The following HDLBP variants were observed in gnomAD, a reference collection of about 807,000 sequenced individuals.
HDLBP encodes vigilin.
A neutral mutation model predicts 137.3 loss-of-function variants in HDLBP; 30 were observed. That is an observed-to-expected ratio of 0.22 (90% CI 0.16 to 0.30). The LOEUF (loss-of-function observed/expected upper bound fraction) is 0.30, where lower values mean the gene tolerates loss of function less well. Among genes scored for constraint, HDLBP ranks in the 10% least tolerant of loss-of-function variants. The probability of loss-of-function intolerance (pLI) is 1.00; values close to 1 mark genes in which losing one functional copy is unlikely to be tolerated. For missense variants in HDLBP, 1,119 were observed against 1,667.3 expected (o/e 0.67, Z 5.73); for synonymous variants, 606 against 596.0 (o/e 1.02, Z -0.24).
chr2:241,236,538 A>C, intron 21 of HDLBP, 77 bp downstream of exon 21: 2 of 1,486,874 alleles, frequency 1.3e-6, no homozygotes, highest in South Asian at 1.2e-5. Context: ...CGTCCATCCC[A>C]TCCAGGCCAC....
chr2:241,232,307 ACT>A (rs1310435244), intron 24 of HDLBP, among the ~76,000 whole-genome samples: 2 of 147,182 alleles, frequency 1.4e-5, no homozygotes, highest in Admixed American at 6.8e-5. Context: ...ACAGAGTCTC[ACT>A]CTGTCGCCCA....
At chr2:241,273,093 CAG>C in intron 1 of HDLBP, 9 of 985,556 alleles carry the variant, frequency 9.1e-6, no homozygotes, top group Non-Finnish European at 1.1e-5. Context: ...AACCGAAGAC[CAG>C]AAAGGGAGCA....
chr2:241,230,414 C>A lies in HDLBP; in HGVS notation c.3475-145G>T. The A allele has an allele frequency of 1.6e-6, 1 of 624,880 alleles. No homozygotes were observed. The highest frequency in any genetic ancestry group is 2.7e-5 in the East Asian group (1 of 36,628). The allele number at this position is 624,880 out of a possible 1,614,324, so 38.7% of individuals were successfully genotyped here. On this transcript the variant is annotated intron_variant, in intron 25 of 27. Coordinates refer to ENST00000310931, the MANE Select transcript of HDLBP (RefSeq NM_005336.6). This position sits in a 1 kb window ranked among gnomAD's most constrained non-coding sequence, Gnocchi z 5.0. ...GAGTTGTTCTGAAGTCAGTCAGCCT[C>A]ATCACCACACCAAGTTAGGTGTATC...
intron 24 of HDLBP, among the ~76,000 whole-genome samples, chr2:241,231,667 C>T (rs1056482158): frequency 6.6e-6 from 1 of 152,092 alleles, no homozygotes; most frequent in Non-Finnish European, 1.5e-5. Flanking sequence ...CATTCCTCAG[C>T]GAGCCCCTCC....
Position 241,239,935 on chromosome 2 carries a change from G to A in HDLBP, c.2357C>T (p.Ala786Val). 1 of 1,614,162 alleles carries A rather than the reference G, an allele frequency of 6.2e-7. No individual in the cohort carries two copies. The highest frequency in any genetic ancestry group is 8.5e-7 in the Non-Finnish European group (1 of 1,180,026). Residue 786 changes from alanine (A) to valine (V), a missense_variant, in exon 18 of 28, where the codon GCA becomes GTA. This residue lies in a region of HDLBP where 618 missense variants were observed against 816.7 expected (regional missense o/e 0.76). Transcript: ENST00000310931. This position sits in a 1 kb window ranked among gnomAD's most constrained non-coding sequence, Gnocchi z 4.6. ...GATCAAGGCCTCCAGCTCCTTCTGT[G>A]CCTCTCGGACGGCGTCCTCCTTTCC... The part of the protein sequence containing the change: ...IIGKEDAVRE[A>V]QKELEALIQN...
intron 9 of HDLBP, among the ~76,000 whole-genome samples, chr2:241,253,868 G>A (rs563999974): frequency 6.6e-6 from 1 of 152,308 alleles, no homozygotes; most frequent in African/African-American, 2.4e-5. Context: ...TTTAAAACTC[G>A]TATAGCTGTA....
intron 1 of HDLBP, among the ~76,000 whole-genome samples, chr2:241,284,773 T>C (rs2074742066): frequency 6.6e-6 from 1 of 152,214 alleles, no homozygotes; most frequent in Non-Finnish European, 1.5e-5. Flanking sequence ...CAACCTCTGC[T>C]CTGATCAGTC....
At position 241,236,681 on chromosome 2, in the gene HDLBP, C is replaced by T. The variant is rs2070512138; in HGVS notation, c.2838G>A (p.Arg946=). The change falls in exon 21 of 28, where the codon AGG becomes AGA. Residue 946 remains arginine, a synonymous_variant. Transcript: ENST00000310931. The stretch of plus-strand genomic sequence containing the variant: ...CAGAGATGATGATGATGTCACACCT[C>T]CTTGGAGAGCCGGGGTCACAATCTT... ...EAKDCDPGSP[R]RCDIIIISGR... 1 of 1,614,072 alleles carries T rather than the reference C, an allele frequency of 6.2e-7. No individual in the cohort carries two copies. Among genetic ancestry groups the T allele is most frequent in the African/African-American group, 1.3e-5 (1 of 74,922 alleles).
chr2:241,272,912 G>A lies in HDLBP; in HGVS notation c.-102-4371C>T, dbSNP rs896682515. 1.6e-4 allele frequency: 109 copies of A among 661,320 alleles called. No individual in the cohort carries two copies. Among genetic ancestry groups the A allele is most frequent in the Admixed American group, 1.3e-4 (2 of 15,828 alleles). 41.0% of individuals were successfully genotyped at this position (661,320 alleles called of 1,614,324 possible). A position where few individuals can be genotyped will look rare whatever the true frequency, so the allele number is the denominator to read the frequency against. On this transcript the variant is annotated intron_variant, in intron 1 of 27. Transcript: ENST00000310931. This position sits in a 1 kb window ranked among gnomAD's most constrained non-coding sequence, Gnocchi z 5.6. ...GGACACGTCAGCGCCCGCCCGCCCC[G>A]CCGCTGGGGTCCCCGCCGCCCCGGG...
At chr2:241,256,556 A>G in intron 6 of HDLBP, 44 bp downstream of exon 6, 2 of 1,594,514 alleles carry the variant, frequency 1.3e-6, no homozygotes, top group Non-Finnish European at 1.7e-6. Context: ...TGAGGTCTGC[A>G]CAAGCAGGTA....
chr2:241,286,625 C>A (rs2074820493), intron 1 of HDLBP, among the ~76,000 whole-genome samples: 2 of 152,172 alleles, frequency 1.3e-5, no homozygotes, highest in African/African-American at 4.8e-5. Flanking sequence ...CTGTGCTCTG[C>A]CCACCTTGGG....
chr2:241,235,904 G>A (rs1350024297), intron 21 of HDLBP, among the ~76,000 whole-genome samples: 6 of 152,116 alleles, frequency 3.9e-5, no homozygotes, highest in African/African-American at 1.2e-4. Flanking sequence ...GGGTCATGAC[G>A]GCTTTGACCG....
chr2:241,282,826 C>T (rs1484815613), intron 1 of HDLBP, among the ~76,000 whole-genome samples: 3 of 152,228 alleles, frequency 2.0e-5, no homozygotes, highest in East Asian at 1.9e-4. Flanking sequence ...CTCCTCATGC[C>T]GCCCGATCCC....
In HDLBP at chr2:241,230,219, A is replaced by G; in HGVS notation, c.3525T>C (p.Thr1175=). ...CCACATTCTCTGGGAGCCCCGTCAC[A>G]GTGACGCAGTTGGGGTCTGGGGCTC... ...QSGAPDPNCV[T]VTGLPENVEE... is the part of the protein sequence containing the mutation. The change falls in exon 26 of 28, where the codon ACT becomes ACC. Residue 1175 remains threonine, a synonymous_variant. Transcript: ENST00000310931. The surrounding 1 kb of genome is among the most constrained non-coding windows in gnomAD (Gnocchi z 5.0). The G allele has an allele frequency of 6.2e-7, 1 of 1,613,082 alleles. No individual in the cohort carries two copies. Among genetic ancestry groups the G allele is most frequent in the Non-Finnish European group, 8.5e-7 (1 of 1,179,234 alleles).
At chr2:241,297,528 T>C (rs2075224723) in intron 1 of HDLBP, among the ~76,000 whole-genome samples, 1 of 152,206 alleles carries the variant, frequency 6.6e-6, no homozygotes, top group Non-Finnish European at 1.5e-5. Context: ...TAGGTATGTT[T>C]TGTATATGTA....
chr2:241,252,949 T>A lies in HDLBP; in HGVS notation c.1372+8A>T. ...ACTGGCCCCACCGCAACAGACAGCC[T>A]CACTCACTGTTGGCACCGCTCTTCC... On this transcript the variant is annotated splice_region_variant and intron_variant, in intron 11 of 27. Coordinates refer to ENST00000310931, the MANE Select transcript of HDLBP (RefSeq NM_005336.6). The A allele has an allele frequency of 6.3e-7, 1 of 1,594,668 alleles. No homozygotes were observed. Among genetic ancestry groups the A allele is most frequent in the Non-Finnish European group, 8.6e-7 (1 of 1,163,244 alleles).
At chr2:241,250,048 G>A (rs1355432788) in intron 11 of HDLBP, 68 bp from the exon 12 acceptor site, 4 of 1,468,160 alleles carry the variant, frequency 2.7e-6, no homozygotes, top group Non-Finnish European at 2.8e-6. Context: ...ACATAACTGG[G>A]CAGGACAGCG....
chr2:241,242,063 T>G (rs1055347221), intron 17 of HDLBP, among the ~76,000 whole-genome samples: 1 of 152,186 alleles, frequency 6.6e-6, no homozygotes, highest in Non-Finnish European at 1.5e-5. Context: ...TACCCACAGA[T>G]GGGTTTTGAC....
intron 1 of HDLBP, among the ~76,000 whole-genome samples, chr2:241,282,531 T>C (rs1445915350): frequency 6.6e-6 from 1 of 152,230 alleles, no homozygotes; most frequent in Non-Finnish European, 1.5e-5. Context: ...ACAGTGCTTC[T>C]CTTACTTGGG....
Sources: allele counts gnomAD v4.1 joint callset (sites outside exome capture counted in the v4.1 genomes callset), GRCh38; gene constraint gnomAD v4.1.1; regional missense constraint gnomAD v4.1.1; non-coding constraint Gnocchi (gnomAD v3.1); transcripts MANE v1.5; gene names NCBI Gene and HGNC (gene_info 2026-07-23, HGNC 2026-07-21).